Variants in GPD1L observed in about 807,000 individuals in gnomAD.
GPD1L encodes the protein glycerol-3-phosphate dehydrogenase 1-like protein.
Under a neutral mutation model 32.9 loss-of-function variants are expected in GPD1L, and 17 were observed. The observed-to-expected ratio is 0.52, with a 90% CI of 0.35 to 0.78. GPD1L has a LOEUF of 0.78. Among genes scored for constraint, GPD1L ranks in the 30% least tolerant of loss-of-function variants. The pLI is 0.01. For synonymous variants in GPD1L, 187 were observed against 165.9 expected (o/e 1.13, Z -0.98); for missense variants, 361 against 447.8 (o/e 0.81, Z 1.75).
At chr3:32,107,077 A>G (rs1347793022) in intron 1 of GPD1L, among the ~76,000 whole-genome samples, 5 of 152,204 alleles carry the variant, frequency 3.3e-5, no homozygotes, top group African/African-American at 1.2e-4. Context: ...TGTTTTGCAC[A>G]ATATCCTAAG....
At chr3:32,134,578 C>G (rs115134080) in intron 2 of GPD1L, among the ~76,000 whole-genome samples, 2,652 of 152,322 alleles carry the variant, frequency 0.017, 42 homozygotes, top group Middle Eastern at 0.024. Flanking sequence ...CCTCGACCTC[C>G]TGGGCTCAAG....
At chr3:32,123,586 C>T (rs1173012920) in intron 1 of GPD1L, among the ~76,000 whole-genome samples, 3 of 152,074 alleles carry the variant, frequency 2.0e-5, no homozygotes, top group African/African-American at 4.8e-5. Context: ...CTGACCCCCC[C>T]ATCATTTTGT....
rs1433289393 is a variant in GPD1L at position 32,158,751 on chromosome 3, G to A, written c.619-125G>A. ...GTGTACAAGAGCAGAGCCCGGCATT[G>A]AGTATTTTGAAGATGGAGCCAATGT... On this transcript the variant is annotated intron_variant, in intron 5 of 7. Coordinates refer to ENST00000282541, the MANE Select transcript of GPD1L (RefSeq NM_015141.4). 3 of 1,536,648 alleles carry A rather than the reference G, an allele frequency of 2.0e-6. No homozygotes were observed. In the Admixed American group the frequency reaches 5.9e-5, roughly 30 times the overall value.
At chr3:32,113,859 T>C (rs1057132732) in intron 1 of GPD1L, among the ~76,000 whole-genome samples, 1 of 152,132 alleles carries the variant, frequency 6.6e-6, no homozygotes, top group Non-Finnish European at 1.5e-5. Context: ...CCCACCTTTT[T>C]TTTGTTGTTA....
chr3:32,159,490 C>T (rs967324039), intron 6 of GPD1L, 78 bp from the exon 7 acceptor site: 6 of 824,930 alleles, frequency 7.3e-6, no homozygotes, highest in Middle Eastern at 3.6e-4. Context: ...AGAAAAAAAA[C>T]ACTTAAAAAT....
At chr3:32,141,124 A>C (rs1452919453) in intron 4 of GPD1L, among the ~76,000 whole-genome samples, 1 of 152,228 alleles carries the variant, frequency 6.6e-6, no homozygotes, top group East Asian at 1.9e-4. Context: ...ACCTGCAAGC[A>C]ATATGAATCA....
At chr3:32,108,690 T>C (rs964025570) in intron 1 of GPD1L, among the ~76,000 whole-genome samples, 3 of 152,204 alleles carry the variant, frequency 2.0e-5, no homozygotes, top group African/African-American at 7.2e-5. Context: ...CATATAGTCC[T>C]TTCGCCCTCC....
intron 1 of GPD1L, among the ~76,000 whole-genome samples, chr3:32,119,217 T>C (rs536407407): frequency 6.6e-6 from 1 of 152,350 alleles, no homozygotes; most frequent in South Asian, 2.1e-4. Flanking sequence ...GGCTGCAGTA[T>C]TTTACAAATC....
chr3:32,121,601 TTCTA>T, intron 1 of GPD1L, among the ~76,000 whole-genome samples: 1 of 130,510 alleles, frequency 7.7e-6, no homozygotes, highest in Admixed American at 8.0e-5. Flanking sequence ...ATATATATAT[TTCTA>T]TATATATTTC....
chr3:32,122,334 T>C (rs893491519), intron 1 of GPD1L, among the ~76,000 whole-genome samples: 22 of 152,224 alleles, frequency 1.4e-4, no homozygotes, highest in Non-Finnish European at 2.9e-4. Flanking sequence ...ATGGACAGCA[T>C]GACTTAGGCA....
At chr3:32,134,617 G>A (rs1052453288) in intron 2 of GPD1L, among the ~76,000 whole-genome samples, 4 of 151,954 alleles carry the variant, frequency 2.6e-5, no homozygotes, top group African/African-American at 9.7e-5. Flanking sequence ...TTCCCAAGTA[G>A]CTGGGACCAC....
intron 1 of GPD1L, among the ~76,000 whole-genome samples, chr3:32,110,133 TG>T (rs1393105360): frequency 6.6e-6 from 1 of 152,226 alleles, no homozygotes; most frequent in Non-Finnish European, 1.5e-5. Flanking sequence ...TTAGCTAGGA[TG>T]GTCTCAATCT....
intron 1 of GPD1L, among the ~76,000 whole-genome samples, chr3:32,115,629 C>G: frequency 1.3e-5 from 2 of 152,116 alleles, no homozygotes; most frequent in Non-Finnish European, 2.9e-5. Context: ...GAGGAGAACT[C>G]TAACCTAATA....
At chr3:32,139,432 A>G (rs1700707948) in intron 3 of GPD1L, among the ~76,000 whole-genome samples, 1 of 152,238 alleles carries the variant, frequency 6.6e-6, no homozygotes, top group South Asian at 2.1e-4. Context: ...AAAACAGTGC[A>G]TATATTACTT....
intron 2 of GPD1L, among the ~76,000 whole-genome samples, chr3:32,130,737 G>C (rs1700576769): frequency 6.9e-6 from 1 of 145,322 alleles, no homozygotes; most frequent in Admixed American, 8.1e-5. Context: ...TTGGGACCGA[G>C]CGCAGTGGCT....
At chr3:32,142,184 T>C (rs1163309807) in intron 4 of GPD1L, among the ~76,000 whole-genome samples, 2 of 152,056 alleles carry the variant, frequency 1.3e-5, no homozygotes, top group East Asian at 1.9e-4. Flanking sequence ...AGTGGTGCTA[T>C]CTTGGCTCAC....
Position 32,138,861 on chromosome 3 carries a change from C to T in GPD1L, c.366+134C>T, listed in dbSNP as rs569738824. The T allele has an allele frequency of 2.5e-4, 223 of 888,944 alleles. 4 individuals are homozygous for T. The highest frequency in any genetic ancestry group is 2.3e-3 in the South Asian group (163 of 71,072). The allele number at this position is 888,944 out of a possible 1,614,324, so 55.1% of individuals were successfully genotyped here. On this transcript the variant is annotated intron_variant, in intron 3 of 7. Coordinates refer to ENST00000282541, the MANE Select transcript of GPD1L (RefSeq NM_015141.4). ...TTTTTCGTTTGTGTTCTTAAAGATGCTCAAAAGTCATAAAAAAAATAAGAC... is the reference window on the plus strand; with the variant it reads ...TTTTTCGTTTGTGTTCTTAAAGATGTTCAAAAGTCATAAAAAAAATAAGAC...
intron 5 of GPD1L, among the ~76,000 whole-genome samples, chr3:32,156,390 T>C (rs1700989619): frequency 6.6e-6 from 1 of 152,226 alleles, no homozygotes; most frequent in African/African-American, 2.4e-5. Flanking sequence ...AGAGAATTTT[T>C]CCACTTTTTC....
intron 2 of GPD1L, among the ~76,000 whole-genome samples, chr3:32,134,296 A>C (rs1240926588): frequency 6.6e-6 from 1 of 152,190 alleles, no homozygotes; most frequent in East Asian, 1.9e-4. Flanking sequence ...ACACCATAAA[A>C]ATACAGCTCA....
Sources: allele counts gnomAD v4.1 joint callset (sites outside exome capture counted in the v4.1 genomes callset), GRCh38; gene constraint gnomAD v4.1.1; transcripts MANE v1.5; gene names NCBI Gene and HGNC (gene_info 2026-07-23, HGNC 2026-07-21).